PITPNM3: variants seen among roughly 807,000 people sequenced by gnomAD.
The protein encoded by PITPNM3 is PITPNM family member 3, also known as membrane-associated phosphatidylinositol transfer protein 3.
PITPNM3 carries 26 observed loss-of-function variants against 102.0 expected under a neutral mutation model. The observed-to-expected ratio is 0.25, with a 90% CI of 0.19 to 0.35. The LOEUF is 0.35. PITPNM3 is among the 10% of genes least tolerant of loss of function. The pLI, the probability that PITPNM3 is intolerant of heterozygous loss-of-function variation, is 1.00. For missense variants in PITPNM3, 1,083 were observed against 1,346.1 expected (o/e 0.80, Z 3.06); for synonymous variants, 578 against 558.6 (o/e 1.03, Z -0.49).
intron 1 of PITPNM3, among the ~76,000 whole-genome samples, chr17:6,547,015 A>AG (rs1910058050): frequency 6.6e-6 from 1 of 152,142 alleles, no homozygotes; most frequent in Non-Finnish European, 1.5e-5. Context: ...TCAAAAAAAA[A>AG]AAAGAAAAAA....
At chr17:6,492,471 A>C (rs1452958844) in intron 4 of PITPNM3, among the ~76,000 whole-genome samples, 2 of 152,236 alleles carry the variant, frequency 1.3e-5, no homozygotes, top group Non-Finnish European at 2.9e-5. Flanking sequence ...TGACAGGCTA[A>C]TGAGGGAGTA....
intron 1 of PITPNM3, among the ~76,000 whole-genome samples, chr17:6,545,744 C>T (rs1909985631): frequency 7.4e-6 from 1 of 135,562 alleles, no homozygotes; most frequent in Admixed American, 7.9e-5. Flanking sequence ...TGAGGCCAGC[C>T]CGGGTGCCTG....
intron 16 of PITPNM3, 66 bp downstream of exon 16, chr17:6,464,104 A>G: frequency 6.2e-7 from 1 of 1,610,444 alleles, no homozygotes. Flanking sequence ...CATCCTCTAG[A>G]CAGGCCTGGC....
chr17:6,475,828 G>A (rs1340040447), intron 9 of PITPNM3, among the ~76,000 whole-genome samples: 1 of 152,172 alleles, frequency 6.6e-6, no homozygotes, highest in Non-Finnish European at 1.5e-5. Context: ...TTTTCACCTT[G>A]CAAGCCTCAC....
intron 3 of PITPNM3, among the ~76,000 whole-genome samples, chr17:6,514,220 A>C (rs1462760536): frequency 6.6e-6 from 1 of 152,146 alleles, no homozygotes; most frequent in African/African-American, 2.4e-5. Context: ...TTTCTTACAT[A>C]TGGCACCAAA....
At chr17:6,555,608 C>A (rs1283236363) in intron 1 of PITPNM3, among the ~76,000 whole-genome samples, 2 of 152,244 alleles carry the variant, frequency 1.3e-5, no homozygotes, top group Non-Finnish European at 2.9e-5. Flanking sequence ...GGGCCTGGGT[C>A]TCCCCAGCAT....
chr17:6,530,805 G>A (rs942372062), intron 2 of PITPNM3, among the ~76,000 whole-genome samples: 2 of 152,226 alleles, frequency 1.3e-5, no homozygotes, highest in African/African-American at 4.8e-5. Context: ...TTTAGATGCT[G>A]GAGGGGGTTG....
rs1411726196 is a variant in PITPNM3 at position 6,472,079 on chromosome 17, C to T, written c.1429+578G>A. Among the ~76,000 whole-genome samples, 1 of 152,316 alleles carries T rather than the reference C, an allele frequency of 6.6e-6. No individual in the cohort carries two copies. The highest frequency in any genetic ancestry group is 2.4e-5 in the African/African-American group (1 of 41,566). ...TCCGATTTCCAAGCTGCTGACTGTC[C>T]ATTACAGGTCTCCCATCGACGATAC... On this transcript the variant is annotated intron_variant, in intron 11 of 19. Coordinates refer to ENST00000262483, the MANE Select transcript of PITPNM3 (RefSeq NM_031220.4). The surrounding 1 kb of genome is among the most constrained non-coding windows in gnomAD (Gnocchi z 4.1).
chr17:6,468,261 C>T lies in PITPNM3; in HGVS notation c.1854G>A (p.Glu618=), dbSNP rs886053299. The T allele has an allele frequency of 1.9e-6, 3 of 1,613,838 alleles. No individual in the cohort carries two copies. Among genetic ancestry groups the T allele is most frequent in the Non-Finnish European group, 2.5e-6 (3 of 1,180,034 alleles). The change falls in exon 14 of 20, where the codon GAG becomes GAA. Residue 618 remains glutamate (E), a synonymous_variant. Transcript: ENST00000262483. The surrounding 1 kb of genome is among the most constrained non-coding windows in gnomAD (Gnocchi z 5.2). ...PAALSPANPR[E]KWLRKRTQVK... Reference sequence around the variant, plus strand: ...CCTGAGTCCGCTTACGAAGCCACTTCTCCCGGGGGTTGGCAGGACTCAGTG... The same window carrying T: ...CCTGAGTCCGCTTACGAAGCCACTTTTCCCGGGGGTTGGCAGGACTCAGTG...
chr17:6,471,456 G>A (rs958054331), intron 11 of PITPNM3, 101 bp from the exon 12 acceptor site: 2 of 1,204,112 alleles, frequency 1.7e-6, no homozygotes, highest in Non-Finnish European at 2.3e-6. Flanking sequence ...GCACTTGGAG[G>A]AGTCAGCCCC....
intron 14 of PITPNM3, among the ~76,000 whole-genome samples, chr17:6,465,348 TTC>T (rs1904714015): frequency 6.6e-6 from 1 of 152,172 alleles, no homozygotes; most frequent in South Asian, 2.1e-4. Flanking sequence ...GCCTGGCCCG[TTC>T]TCTGTTTTGA....
chr17:6,538,219 TCA>T, intron 1 of PITPNM3, 137 bp from the exon 2 acceptor site: 1 of 701,104 alleles, frequency 1.4e-6, no homozygotes, highest in Non-Finnish European at 2.6e-6. Context: ...GCCTCAGACC[TCA>T]CAGAGCCCTC....
At chr17:6,543,006 G>A (rs1026525176) in intron 1 of PITPNM3, among the ~76,000 whole-genome samples, 13 of 152,320 alleles carry the variant, frequency 8.5e-5, no homozygotes, top group South Asian at 2.1e-4. Flanking sequence ...GATTACAGGC[G>A]TGAGCCACCA....
At chr17:6,473,822 C>CA (rs1488817719) in intron 10 of PITPNM3, among the ~76,000 whole-genome samples, 1 of 151,940 alleles carries the variant, frequency 6.6e-6, no homozygotes, top group South Asian at 2.1e-4. Context: ...ACCAAAAATA[C>CA]AAAAATTAGC....
Position 6,463,808 on chromosome 17 carries a change from C to G in PITPNM3, c.2230G>C (p.Asp744His), listed in dbSNP as rs748579152. Residue 744 changes from aspartate to histidine, a missense_variant, in exon 17 of 20, where the codon GAT (aspartate) becomes CAT (histidine). Physicochemically the swap from Asp to His is moderately conservative, Grantham distance 81. Transcript: ENST00000262483. ...RGMECVVFSI[D>H]GSFAASVSIM... The stretch of plus-strand genomic sequence containing the variant: ...GACACGCTGGCCGCGAAGGACCCAT[C>G]AATGCTGAACACTACACACTCCATG... The G allele has an allele frequency of 1.2e-6, 2 of 1,613,620 alleles. No homozygotes were observed. Among genetic ancestry groups the G allele is most frequent in the Non-Finnish European group, 1.7e-6 (2 of 1,179,986 alleles).
At chr17:6,462,347 C>T (rs1904507352) in intron 17 of PITPNM3, among the ~76,000 whole-genome samples, 1 of 152,198 alleles carries the variant, frequency 6.6e-6, no homozygotes, top group East Asian at 1.9e-4. Context: ...CTCAAGTCCT[C>T]TCTCTGCCTC....
intron 17 of PITPNM3, 48 bp from the exon 18 acceptor site, chr17:6,461,604 C>A (rs373348085): frequency 6.3e-7 from 1 of 1,596,514 alleles, no homozygotes; most frequent in Non-Finnish European, 8.6e-7. Context: ...GTGCAGGCCA[C>A]CTGATGCCCA....
chr17:6,455,337 C>G lies in PITPNM3; in HGVS notation c.*1G>C. On this transcript the variant is annotated 3_prime_UTR_variant, in exon 20 of 20. Transcript: ENST00000262483. The stretch of plus-strand genomic sequence containing the variant: ...TCCCTGCTCTGAGCACAGCCCACCC[C>G]TCAGGGCACCGACTCGAACTTGGGG... 1.9e-6 allele frequency: 3 copies of G among 1,574,300 alleles called. No homozygotes were observed. The highest frequency in any genetic ancestry group is 2.6e-6 in the Non-Finnish European group (3 of 1,162,150).
chr17:6,547,786 A>G (rs1206762653), intron 1 of PITPNM3, among the ~76,000 whole-genome samples: 1 of 150,724 alleles, frequency 6.6e-6, no homozygotes, highest in Non-Finnish European at 1.5e-5. Flanking sequence ...CCTAGGCTGG[A>G]GTGCAATGCC....
Sources: gnomAD v4.1 joint callset for allele counts (sites outside exome capture counted in the v4.1 genomes callset) on GRCh38, gnomAD v4.1.1 for gene constraint, Gnocchi (gnomAD v3.1) non-coding constraint, MANE v1.5 for transcripts, NCBI Gene and HGNC (gene_info 2026-07-23, HGNC 2026-07-21) for gene names.